ALOX12: variants seen among roughly 807,000 people sequenced by gnomAD.
ALOX12 encodes arachidonate 12-lipoxygenase, 12S type.
Under a neutral mutation model 85.5 loss-of-function variants are expected in ALOX12, and 62 were observed. That is an observed-to-expected ratio of 0.73 (90% CI 0.59 to 0.90). The LOEUF is 0.90. Among genes scored for constraint, ALOX12 ranks in the 40% least tolerant of loss-of-function variants. The probability of loss-of-function intolerance (pLI) is 0.00; values close to 1 mark genes in which losing one functional copy is unlikely to be tolerated. For synonymous variants in ALOX12, 299 were observed against 332.7 expected (o/e 0.90, Z 1.10); for missense variants, 751 against 856.5 (o/e 0.88, Z 1.54).
At position 7,009,734 on chromosome 17, in the gene ALOX12, C is replaced by T. The variant is rs1206393364; in HGVS notation, c.1541-13C>T. ...ATGCTGTAGCTTCTAACTGCTATTC[C>T]TTTCCTGCCCAGGTTTCCCTGTCTC... On this transcript the variant is annotated splice_polypyrimidine_tract_variant and intron_variant, in intron 11 of 13. Transcript: ENST00000251535. The T allele has an allele frequency of 1.9e-6, 3 of 1,611,340 alleles. No individual in the cohort carries two copies.
Position 7,002,352 on chromosome 17 carries a change from A to G in ALOX12, c.1161+541A>G. The G allele has an allele frequency of 5.4e-6, 2 of 372,346 alleles. 1 individual carries two copies. Among genetic ancestry groups the G allele is most frequent in the South Asian group, 4.0e-5 (2 of 49,416 alleles). The allele number at this position is 372,346 out of a possible 1,614,324, so 23.1% of individuals were successfully genotyped here. On this transcript the variant is annotated intron_variant, in intron 8 of 13. Coordinates refer to ENST00000251535, the MANE Select transcript of ALOX12 (RefSeq NM_000697.3). Reference sequence around the variant, plus strand: ...TAGCATGGTAATGACAGGAATGAAAAGGAAAGAATCTAAAACGTAGTGAAG... The same window carrying G: ...TAGCATGGTAATGACAGGAATGAAAGGGAAAGAATCTAAAACGTAGTGAAG...
chr17:7,004,089 TTTTAA>T (rs1260100318), intron 8 of ALOX12, among the ~76,000 whole-genome samples: 3 of 142,908 alleles, frequency 2.1e-5, no homozygotes, highest in East Asian at 2.0e-4. Context: ...AAAATTAAAA[TTTTAA>T]TTTAATATTA....
At chr17:7,004,135 ATAATTAAAATTTAAATAAATTTAAAT>A (rs1323838643) in intron 8 of ALOX12, among the ~76,000 whole-genome samples, 11,491 of 140,394 alleles carry the variant, frequency 0.082, 688 homozygotes, top group Admixed American at 0.21. Context: ...TTTTAAATAA[ATAATTAAAATTTAAATAAATTTAAAT>A]TTAAAATTTA....
At chr17:7,004,357 AATTTTAAT>A (rs1248845430) in intron 8 of ALOX12, among the ~76,000 whole-genome samples, 47 of 29,788 alleles carry the variant, frequency 1.6e-3, no homozygotes, top group Admixed American at 0.011. Flanking sequence ...TAATATTTTT[AATTTTAAT>A]ATTAATTTAA....
In ALOX12 at chr17:6,996,071, A is replaced by G; in HGVS notation, c.-47A>G. ...GCCGGCAGCCCTGGGCGGTCCCGGGAATCGCACAGGACCCGGCTCCCCTCG... is the reference window on the plus strand; with the variant it reads ...GCCGGCAGCCCTGGGCGGTCCCGGGGATCGCACAGGACCCGGCTCCCCTCG... On this transcript the variant is annotated 5_prime_UTR_variant, in exon 1 of 14. Transcript: ENST00000251535. 8.1e-7 allele frequency: 1 copy of G among 1,239,876 alleles called. No individual in the cohort carries two copies. Among genetic ancestry groups the G allele is most frequent in the Non-Finnish European group, 1.0e-6 (1 of 986,812 alleles). 76.8% of individuals were successfully genotyped at this position (1,239,876 alleles called of 1,614,324 possible). A position where few individuals can be genotyped will look rare whatever the true frequency, so the allele number is the denominator to read the frequency against.
At chr17:7,001,462 C>T in intron 7 of ALOX12, 140 bp from the exon 8 acceptor site, 1 of 887,902 alleles carries the variant, frequency 1.1e-6, no homozygotes. Flanking sequence ...GAGCGGCAGG[C>T]TGGGAGGGTT....
Position 7,010,138 on chromosome 17 carries a change from C to G in ALOX12, c.1812+12C>G, listed in dbSNP as rs371288060. On this transcript the variant is annotated intron_variant, in intron 13 of 13. Transcript: ENST00000251535. Reference sequence around the variant, plus strand: ...GCCAGCCAGACATGGTGAGAGGGGACTCTCGGGAGAGGGAAATGACAGTTG... The same window carrying G: ...GCCAGCCAGACATGGTGAGAGGGGAGTCTCGGGAGAGGGAAATGACAGTTG... 5 of 1,606,784 alleles carry G rather than the reference C, an allele frequency of 3.1e-6. No individual in the cohort carries two copies. Among genetic ancestry groups the G allele is most frequent in the Non-Finnish European group, 4.3e-6 (5 of 1,175,282 alleles).
chr17:7,000,403 A>T lies in ALOX12; in HGVS notation c.875A>T (p.Glu292Val). 1 of 1,614,068 alleles carries T rather than the reference A, an allele frequency of 6.2e-7. No homozygotes were observed. Among genetic ancestry groups the T allele is most frequent in the East Asian group, 2.2e-5 (1 of 44,878 alleles). Residue 292 changes from glutamate (E) to valine (V), a missense_variant, in exon 7 of 14, where the codon GAG (glutamate) becomes GTG (valine). Coordinates refer to ENST00000251535, the MANE Select transcript of ALOX12 (RefSeq NM_000697.3). The surrounding 1 kb of genome is among the most constrained non-coding windows in gnomAD (Gnocchi z 4.6). ...ATTCCAGCCAACGTGATCCGAGGAGAGAAGCAATACCTGGCTGCCCCCCTC... is the reference window on the plus strand; with the variant it reads ...ATTCCAGCCAACGTGATCCGAGGAGTGAAGCAATACCTGGCTGCCCCCCTC... The part of the protein sequence containing the change: ...DGIPANVIRG[E>V]KQYLAAPLVM...
intron 11 of ALOX12, among the ~76,000 whole-genome samples, chr17:7,009,065 T>G (rs1158472657): frequency 6.7e-6 from 1 of 148,176 alleles, no homozygotes; most frequent in East Asian, 2.0e-4. Flanking sequence ...TCAATTGGTT[T>G]TTTTTTTTTT....
At chr17:7,009,915 C>T (rs1909298704) in intron 12 of ALOX12, 41 bp from the exon 13 acceptor site, 3 of 1,613,942 alleles carry the variant, frequency 1.9e-6, no homozygotes, top group South Asian at 2.2e-5. Flanking sequence ...GAGTTCAAAC[C>T]CTAAGTACCA....
rs781009057 is a variant in ALOX12, at chr17:7,006,059, CCGGGGGG to C, written c.1418+33_1418+39del. The C allele has an allele frequency of 8.6e-4, 117 of 135,670 alleles. 35 individuals carry two copies. In the East Asian group the frequency reaches 0.01, roughly 12 times the overall value. The allele number at this position is 135,670 out of a possible 1,614,324, so 8.4% of individuals were successfully genotyped here. A position where few individuals can be genotyped will look rare whatever the true frequency, so the allele number is the denominator to read the frequency against. ...AAGGAGGAGCTGAGAAATGGTGGGG[CCGGGGGG>C]GGGGGGGGCTCTGGCCTGAGGCCAG... On this transcript the variant is annotated intron_variant, in intron 10 of 13. Coordinates refer to ENST00000251535, the MANE Select transcript of ALOX12 (RefSeq NM_000697.3).
chr17:7,009,469 T>G, intron 11 of ALOX12: 1 of 383,606 alleles, frequency 2.6e-6, no homozygotes, highest in Non-Finnish European at 4.8e-6. Flanking sequence ...ATTGAGCATT[T>G]ATTACAGACC....
chr17:7,006,384 C>T lies in ALOX12; in HGVS notation c.1419-102C>T, dbSNP rs1188019095. The T allele has an allele frequency of 1.2e-5, 18 of 1,564,568 alleles. No homozygotes were observed. The South Asian group carries it at 1.9e-4, about 16-fold the overall frequency. On this transcript the variant is annotated intron_variant, in intron 10 of 13. Coordinates refer to ENST00000251535, the MANE Select transcript of ALOX12 (RefSeq NM_000697.3). ...TGAGGATGTCCCAAAGGCGAGGTGT[C>T]TTCCCAGATACTGTGGAAGCATTGG...
chr17:7,009,597 G>A, intron 11 of ALOX12, 150 bp from the exon 12 acceptor site: 3 of 696,808 alleles, frequency 4.3e-6, no homozygotes, highest in South Asian at 1.8e-5. Flanking sequence ...GTAAGTGACT[G>A]AGCCAGGACT....
Position 7,000,223 on chromosome 17 carries a change from G to C in ALOX12, c.808-113G>C. The C allele has an allele frequency of 1.5e-6, 2 of 1,291,312 alleles. No individual in the cohort carries two copies. Among genetic ancestry groups the C allele is most frequent in the Non-Finnish European group, 2.2e-6 (2 of 918,292 alleles). The allele number at this position is 1,291,312 out of a possible 1,614,324, so 80.0% of individuals were successfully genotyped here. ...GCTCTAGTTCTCCCAACAGGGCTCC[G>C]GTACTGATGCAGGAGAATGGCAAGA... On this transcript the variant is annotated intron_variant, in intron 6 of 13. Coordinates refer to ENST00000251535, the MANE Select transcript of ALOX12 (RefSeq NM_000697.3). This position sits in a 1 kb window ranked among gnomAD's most constrained non-coding sequence, Gnocchi z 4.6.
In ALOX12 at chr17:7,010,109, C is replaced by A. The variant is rs757495245; in HGVS notation, c.1795C>A (p.Arg599Ser). 4 of 1,611,994 alleles carry A rather than the reference C, an allele frequency of 2.5e-6. No homozygotes were observed. Among genetic ancestry groups the A allele is most frequent in the Non-Finnish European group, 3.4e-6 (4 of 1,178,732 alleles). ...AATGGCCATCTCATGGCATCTGAGTCGCCGCCAGCCAGACATGGTGAGAGG... is the reference window on the plus strand; with the variant it reads ...AATGGCCATCTCATGGCATCTGAGTAGCCGCCAGCCAGACATGGTGAGAGG... The part of the protein sequence containing the change: ...LQMAISWHLS[R>S]RQPDMVPLGH... The change falls in exon 13 of 14, where the codon CGC becomes AGC. Residue 599 changes from arginine (R) to serine (S), a missense_variant. By Grantham distance (110) the Arg-to-Ser change is moderately radical. Transcript: ENST00000251535.
chr17:6,998,461 A>G lies in ALOX12; in HGVS notation c.338-48A>G, dbSNP rs1360092866. 7.0e-6 allele frequency: 9 copies of G among 1,279,156 alleles called. No homozygotes were observed. In the South Asian group the frequency reaches 8.6e-5, roughly 12 times the overall value. 79.2% of individuals were successfully genotyped at this position (1,279,156 alleles called of 1,614,324 possible). ...AGGGAGATGAGGACAAGAGGCGGGC[A>G]TAGGACCAGACAGAGCCGTGAGGCC... On this transcript the variant is annotated intron_variant, in intron 2 of 13. Transcript: ENST00000251535.
At chr17:7,005,146 T>C (rs909058573) in intron 8 of ALOX12, 111 bp from the exon 9 acceptor site, 7 of 951,760 alleles carry the variant, frequency 7.4e-6, no homozygotes, top group Non-Finnish European at 1.2e-5. Context: ...GAGATCAGCC[T>C]GTAAAGGAAA....
rs1479965289 is a variant in ALOX12 at position 7,005,945 on chromosome 17, G to A, written c.1336G>A (p.Asp446Asn). The A allele has an allele frequency of 8.1e-6, 13 of 1,613,276 alleles. No individual in the cohort carries two copies. Among genetic ancestry groups the A allele is most frequent in the Middle Eastern group, 1.6e-4 (1 of 6,062 alleles). ...LTYCSLCPPD[D>N]LADRGLLGLP... ...CTACTGCTCCCTCTGTCCTCCTGAC[G>A]ACCTGGCTGACCGGGGCCTGCTGGG... The change falls in exon 10 of 14, where the codon GAC becomes AAC. Residue 446 changes from aspartate to asparagine, a missense_variant. Transcript: ENST00000251535.
Sources: gnomAD v4.1 joint callset for allele counts (sites outside exome capture counted in the v4.1 genomes callset) on GRCh38, gnomAD v4.1.1 for gene constraint, Gnocchi (gnomAD v3.1) non-coding constraint, MANE v1.5 for transcripts, NCBI Gene and HGNC (gene_info 2026-07-23, HGNC 2026-07-21) for gene names.